The following ARHGAP23 variants were observed in gnomAD, a reference collection of about 807,000 sequenced individuals.
ARHGAP23 encodes Rho GTPase activating protein 23.
Under a neutral mutation model 136.3 loss-of-function variants are expected in ARHGAP23, and 34 were observed. The observed-to-expected ratio is 0.25, with a 90% CI of 0.19 to 0.33. ARHGAP23 has a LOEUF of 0.33. Among genes scored for constraint, ARHGAP23 ranks in the 10% least tolerant of loss-of-function variants. The probability of loss-of-function intolerance (pLI) is 1.00; values close to 1 mark genes in which losing one functional copy is unlikely to be tolerated. For synonymous variants in ARHGAP23, 832 were observed against 920.5 expected, an observed-to-expected ratio of 0.90 and a Z score of 1.74; for missense variants, 1,808 against 2,139.0, an observed-to-expected ratio of 0.85 and a Z score of 3.05.
In ARHGAP23 at chr17:38,469,753, G is replaced by A. The variant is rs2039701411; in HGVS notation, c.1917-94G>A. 3 of 1,511,850 alleles carry A rather than the reference G, an allele frequency of 2.0e-6. No individual in the cohort carries two copies. The South Asian group carries it at 3.7e-5, about 19-fold the overall frequency. The allele number at this position is 1,511,850 out of a possible 1,614,324, so 93.7% of individuals were successfully genotyped here. On this transcript the variant is annotated intron_variant, in intron 9 of 23. Transcript: ENST00000622683. ...CATGGGACAGTGTGCCTCCCCCGCTGGAAGGCTTCTGGGCTTGGGGTTTGG... is the reference window on the plus strand; with the variant it reads ...CATGGGACAGTGTGCCTCCCCCGCTAGAAGGCTTCTGGGCTTGGGGTTTGG...
At chr17:38,508,886 TC>T (rs1418236098) in intron 23 of ARHGAP23, among the ~76,000 whole-genome samples, 3 of 150,834 alleles carry the variant, frequency 2.0e-5, no homozygotes, top group Non-Finnish European at 4.4e-5. Context: ...GGAAGAAGAG[TC>T]CCGGAGCTCA....
At chr17:38,452,465 T>C (rs1208109546) in intron 1 of ARHGAP23, 1 of 152,218 alleles carries the variant, frequency 6.6e-6, no homozygotes, top group East Asian at 1.9e-4. Context: ...CCTGGACTCC[T>C]CCTAGATTCA....
In ARHGAP23 at chr17:38,488,080, T is replaced by A. The variant is rs186480031; in HGVS notation, c.2986+1940T>A. ...CCACACCCAGCTAATTAAAAAAAAA[T>A]TTTTTTTGGTAGAGGCAGGGTCTCA... is the stretch of plus-strand genomic sequence containing the variant. On this transcript the variant is annotated intron_variant, in intron 17 of 23. Coordinates refer to ENST00000622683, the MANE Select transcript of ARHGAP23 (RefSeq NM_001199417.2). 8.2e-3 allele frequency among the ~76,000 whole-genome samples: 1,235 copies of A among 151,254 alleles called. 14 individuals carry two copies. Among genetic ancestry groups the A allele is most frequent in the African/African-American group, 0.026 (1,071 of 41,084 alleles).
intron 23 of ARHGAP23, among the ~76,000 whole-genome samples, chr17:38,507,276 A>AAATAATAAAATAAT (rs1555599767): frequency 1.5e-5 from 2 of 136,670 alleles, no homozygotes; most frequent in African/African-American, 2.7e-5. Context: ...CTCCGTCTCA[A>AAATAATAAAATAAT]AATAATAATA....
chr17:38,456,512 G>A (rs1369404369), intron 1 of ARHGAP23, among the ~76,000 whole-genome samples: 2 of 152,218 alleles, frequency 1.3e-5, no homozygotes, highest in Non-Finnish European at 2.9e-5. Context: ...GTGCCGAGGA[G>A]GAGTTGAGGG....
intron 2 of ARHGAP23, among the ~76,000 whole-genome samples, chr17:38,460,461 C>A (rs1444432520): frequency 6.6e-6 from 1 of 152,128 alleles, no homozygotes; most frequent in Non-Finnish European, 1.5e-5. Flanking sequence ...GCCTTCTACC[C>A]GCCACCCTCA....
intron 11 of ARHGAP23, among the ~76,000 whole-genome samples, chr17:38,474,757 T>G (rs1597808702): frequency 6.6e-6 from 1 of 151,412 alleles, no homozygotes; most frequent in East Asian, 1.9e-4. Flanking sequence ...TTGAGAGAAG[T>G]GGGGGGGCCG....
rs1484836643 is a variant in ARHGAP23, at chr17:38,471,597, C to T, written c.1975-266C>T. ...AAGTCTATAAAGTTATGGGAGGCTC[C>T]GAATTGGCTCCTGTAGTGTGGTGAG... On this transcript the variant is annotated intron_variant, in intron 10 of 23. Transcript: ENST00000622683. Among the ~76,000 whole-genome samples the T allele has an allele frequency of 4.6e-5, 7 of 152,206 alleles. No homozygotes were observed. In the East Asian group the frequency reaches 5.8e-4, roughly 13 times the overall value.
intron 14 of ARHGAP23, 44 bp from the exon 15 acceptor site, chr17:38,481,978 C>T (rs949411104): frequency 2.0e-6 from 3 of 1,480,092 alleles, no homozygotes; most frequent in South Asian, 1.4e-5. Context: ...GTGTGACCCT[C>T]CTGGATACCC....
chr17:38,426,270 C>G (rs182029599), upstream of ARHGAP23, among the ~76,000 whole-genome samples: 980 of 151,948 alleles, frequency 6.4e-3, 10 homozygotes, highest in African/African-American at 0.021. Context: ...AGGCCAGGCG[C>G]GGTGGCTCAT....
intron 23 of ARHGAP23, among the ~76,000 whole-genome samples, chr17:38,505,008 TTTTTTTTTTTTTTTTG>T: frequency 9.5e-6 from 1 of 104,980 alleles, no homozygotes; most frequent in African/African-American, 4.0e-5. Context: ...TTTTTTTTTT[TTTTTTTTTTTTTTTTG>T]AGACAGGTCT....
intron 21 of ARHGAP23, 45 bp downstream of exon 21, chr17:38,497,871 G>A (rs2040427834): frequency 1.3e-6 from 2 of 1,544,218 alleles, no homozygotes; most frequent in Non-Finnish European, 1.8e-6. Flanking sequence ...CTGGTCTGGG[G>A]TGAGCCCCAG....
chr17:38,480,311 G>T (rs1296467458), intron 14 of ARHGAP23, among the ~76,000 whole-genome samples: 1 of 152,148 alleles, frequency 6.6e-6, no homozygotes, highest in Non-Finnish European at 1.5e-5. Context: ...AGACCAGCCT[G>T]ACCAACATGG....
intron 1 of ARHGAP23, among the ~76,000 whole-genome samples, chr17:38,452,125 G>A (rs1272246602): frequency 6.6e-6 from 1 of 151,272 alleles, no homozygotes; most frequent in Admixed American, 6.6e-5. Flanking sequence ...CCTTGATCCC[G>A]ACCTCCCTCG....
chr17:38,470,815 G>A (rs1220331720), intron 10 of ARHGAP23, among the ~76,000 whole-genome samples: 1 of 152,154 alleles, frequency 6.6e-6, no homozygotes, highest in Admixed American at 6.5e-5. Context: ...GGGATTACAG[G>A]CGTGAGCCAC....
intron 20 of ARHGAP23, among the ~76,000 whole-genome samples, chr17:38,492,546 G>A (rs1310619809): frequency 1.3e-5 from 2 of 152,328 alleles, no homozygotes; most frequent in Middle Eastern, 3.4e-3. Context: ...ACCAAAGCCT[G>A]TGCTTTCCTC....
Position 38,511,040 on chromosome 17 carries a change from C to T in ARHGAP23, c.*68C>T. 9.6e-6 allele frequency: 13 copies of T among 1,349,436 alleles called. No individual in the cohort carries two copies. The South Asian group carries it at 2.2e-4, about 23-fold the overall frequency. 83.6% of individuals were successfully genotyped at this position (1,349,436 alleles called of 1,614,324 possible). On this transcript the variant is annotated 3_prime_UTR_variant, in exon 24 of 24. Coordinates refer to ENST00000622683, the MANE Select transcript of ARHGAP23 (RefSeq NM_001199417.2). Reference sequence around the variant, plus strand: ...CCCCTTTGGAACCAGGAGGCTTCACCAGCCTGCACCTCCTCTTCTGTGGCC... The same window carrying T: ...CCCCTTTGGAACCAGGAGGCTTCACTAGCCTGCACCTCCTCTTCTGTGGCC...
At chr17:38,464,991 G>C (rs932310226) in intron 6 of ARHGAP23, among the ~76,000 whole-genome samples, 9 of 152,092 alleles carry the variant, frequency 5.9e-5, no homozygotes, top group Non-Finnish European at 1.3e-4. Flanking sequence ...CCAGCCGAGA[G>C]AGAGTCGGGT....
chr17:38,500,685 T>G, intron 23 of ARHGAP23, 57 bp downstream of exon 23: 6 of 1,497,264 alleles, frequency 4.0e-6, no homozygotes, highest in Non-Finnish European at 5.5e-6. Flanking sequence ...CCCACTTTGG[T>G]TTTTGTTCAA....
Sources: gnomAD v4.1 joint callset for allele counts (sites outside exome capture counted in the v4.1 genomes callset) on GRCh38, gnomAD v4.1.1 for gene constraint, MANE v1.5 for transcripts, NCBI Gene and HGNC (gene_info 2026-07-23, HGNC 2026-07-21) for gene names.